CSMD2: variants seen among roughly 807,000 people sequenced by gnomAD.
CSMD2 encodes the protein CUB and Sushi multiple domains 2, also known as CUB and sushi domain-containing protein 2.
CSMD2 carries 130 observed loss-of-function variants against 398.5 expected under a neutral mutation model. The observed-to-expected ratio is 0.33, with a 90% CI of 0.28 to 0.38. The LOEUF (loss-of-function observed/expected upper bound fraction) is 0.38, where lower values mean the gene tolerates loss of function less well. Among genes scored for constraint, CSMD2 ranks in the 10% least tolerant of loss-of-function variants. The pLI is 1.00. For synonymous variants in CSMD2, 1,828 were observed against 1,908.5 expected (o/e 0.96, Z 1.10); for missense variants, 3,829 against 4,764.9 (o/e 0.80, Z 5.78).
Position 33,616,899 on chromosome 1 carries a change from G to C in CSMD2, c.6016+7C>G. On this transcript the variant is annotated splice_region_variant and intron_variant, in intron 39 of 70. Coordinates refer to ENST00000373381, the MANE Select transcript of CSMD2 (RefSeq NM_001281956.2). ...TGGAATGAATTGTAAAGTCTGGGCTGTCTTACCAATACAGAGTGGAGGAGG... is the reference window on the plus strand; with the variant it reads ...TGGAATGAATTGTAAAGTCTGGGCTCTCTTACCAATACAGAGTGGAGGAGG... The C allele has an allele frequency of 6.2e-7, 1 of 1,612,560 alleles. No homozygotes were observed. Among genetic ancestry groups the C allele is most frequent in the Non-Finnish European group, 8.5e-7 (1 of 1,178,558 alleles).
At chr1:33,879,219 G>C (rs533605603) in intron 5 of CSMD2, among the ~76,000 whole-genome samples, 2 of 152,074 alleles carry the variant, frequency 1.3e-5, no homozygotes, top group African/African-American at 4.8e-5. Context: ...TCCACTTGTC[G>C]AGTAGATTCT....
At chr1:33,653,788 G>A (rs568682941) in intron 27 of CSMD2, among the ~76,000 whole-genome samples, 5 of 152,276 alleles carry the variant, frequency 3.3e-5, no homozygotes, top group African/African-American at 1.2e-4. Flanking sequence ...GGTTTGGTCT[G>A]GAAACCACAG....
chr1:33,924,012 A>G (rs1644037959), intron 4 of CSMD2, among the ~76,000 whole-genome samples: 1 of 152,104 alleles, frequency 6.6e-6, no homozygotes, highest in Non-Finnish European at 1.5e-5. Context: ...ACATCCTCCA[A>G]TCCTGGACAC....
At chr1:33,951,072 G>C (rs892889926) in intron 3 of CSMD2, among the ~76,000 whole-genome samples, 1 of 152,138 alleles carries the variant, frequency 6.6e-6, no homozygotes, top group East Asian at 1.9e-4. Context: ...CTGACAATCT[G>C]ACCCACAGTC....
At chr1:33,804,377 G>A (rs1193049932) in intron 10 of CSMD2, among the ~76,000 whole-genome samples, 1 of 152,140 alleles carries the variant, frequency 6.6e-6, no homozygotes, top group African/African-American at 2.4e-5. Flanking sequence ...CCAAACCTCA[G>A]TGCCTTTGCA....
chr1:34,015,904 G>A (rs7551413), intron 3 of CSMD2, among the ~76,000 whole-genome samples: 1,536 of 152,238 alleles, frequency 0.01, 21 homozygotes, highest in African/African-American at 0.035. Flanking sequence ...GTGGGTGCAT[G>A]CACCTGGGAC....
intron 5 of CSMD2, among the ~76,000 whole-genome samples, chr1:33,865,516 T>C (rs905258529): frequency 6.6e-5 from 10 of 152,078 alleles, no homozygotes; most frequent in Admixed American, 1.3e-4. Context: ...TCTGACTCCC[T>C]TTCGTGACCA....
At chr1:33,916,617 G>C (rs1211309109) in intron 5 of CSMD2, among the ~76,000 whole-genome samples, 2 of 152,178 alleles carry the variant, frequency 1.3e-5, no homozygotes, top group Non-Finnish European at 2.9e-5. Context: ...CCAGCTTCCT[G>C]TGAGAAGCTC....
At chr1:33,791,550 C>T (rs973798627) in intron 11 of CSMD2, among the ~76,000 whole-genome samples, 1 of 152,088 alleles carries the variant, frequency 6.6e-6, no homozygotes, top group Non-Finnish European at 1.5e-5. Flanking sequence ...TAGTGGCATG[C>T]TCTCAGCTCA....
At chr1:34,165,573 C>G (rs1229358405), upstream of CSMD2, among the ~76,000 whole-genome samples, 1 of 151,530 alleles carries the variant, frequency 6.6e-6, no homozygotes, top group Non-Finnish European at 1.5e-5. Context: ...CATTAATACA[C>G]CCCCCTCTCC....
chr1:34,110,040 CAA>C (rs57314887), intron 1 of CSMD2, among the ~76,000 whole-genome samples: 4 of 63,410 alleles, frequency 6.3e-5, no homozygotes, highest in African/African-American at 2.6e-4. Flanking sequence ...GACTCTGTCT[CAA>C]AAAAAAAAAA....
chr1:33,519,473 G>A lies in CSMD2; in HGVS notation c.*45C>T. On this transcript the variant is annotated 3_prime_UTR_variant, in exon 70 of 71. Coordinates refer to ENST00000373381, the MANE Select transcript of CSMD2 (RefSeq NM_001281956.2). The surrounding 1 kb of genome is among the most constrained non-coding windows in gnomAD (Gnocchi z 5.6). ...CCCACACCCCTGCTCACCGGCTGCT[G>A]GAGGCGGGGCTCTCGGTGGCGGTGG... 6.3e-7 allele frequency: 1 copy of A among 1,594,594 alleles called. No homozygotes were observed. The highest frequency in any genetic ancestry group is 8.6e-7 in the Non-Finnish European group (1 of 1,168,568).
At chr1:34,081,754 C>T (rs976760621) in intron 2 of CSMD2, among the ~76,000 whole-genome samples, 2 of 152,214 alleles carry the variant, frequency 1.3e-5, no homozygotes, top group African/African-American at 2.4e-5. Context: ...TCGCTACAAC[C>T]TCCACCTCCC....
At chr1:33,974,526 G>A (rs750710833) in intron 3 of CSMD2, among the ~76,000 whole-genome samples, 1 of 152,162 alleles carries the variant, frequency 6.6e-6, no homozygotes, top group African/African-American at 2.4e-5. Context: ...GCACTCCAAC[G>A]ATCCCCATTT....
intron 2 of CSMD2, among the ~76,000 whole-genome samples, chr1:34,037,723 A>G (rs1651326475): frequency 6.6e-6 from 1 of 152,082 alleles, no homozygotes; most frequent in African/African-American, 2.4e-5. Flanking sequence ...CTCAAACCTC[A>G]CCAGGCCTTC....
At chr1:33,567,884 A>G in intron 52 of CSMD2, 43 bp from the exon 53 acceptor site, 6 of 1,538,644 alleles carry the variant, frequency 3.9e-6, no homozygotes, top group Non-Finnish European at 5.3e-6. Context: ...CTATCCCACA[A>G]CTCATTACTT....
At position 33,626,598 on chromosome 1, in the gene CSMD2, C is replaced by A. The variant is rs376763721; in HGVS notation, c.5201-17G>T. 7 of 1,572,740 alleles carry A rather than the reference C, an allele frequency of 4.5e-6. No homozygotes were observed. The African/African-American group carries it at 9.4e-5, about 21-fold the overall frequency. The stretch of plus-strand genomic sequence containing the variant: ...GTGATTCTCCTGCCGAGATAAGGGG[C>A]AAGGAGGAGAGAACAGTGAGTCCAG... On this transcript the variant is annotated splice_polypyrimidine_tract_variant and intron_variant, in intron 32 of 70. Transcript: ENST00000373381.
chr1:33,967,578 T>C (rs1645606869), intron 3 of CSMD2, among the ~76,000 whole-genome samples: 1 of 152,182 alleles, frequency 6.6e-6, no homozygotes. Flanking sequence ...ACGTCCATGA[T>C]GGTCACCCAA....
chr1:33,703,648 C>T (rs1645682944), intron 22 of CSMD2, among the ~76,000 whole-genome samples: 1 of 152,192 alleles, frequency 6.6e-6, no homozygotes, highest in Non-Finnish European at 1.5e-5. Flanking sequence ...AATATTCCTG[C>T]ATGTCCGCTT....
Sources: allele counts gnomAD v4.1 joint callset (sites outside exome capture counted in the v4.1 genomes callset), GRCh38; gene constraint gnomAD v4.1.1; non-coding constraint Gnocchi (gnomAD v3.1); transcripts MANE v1.5; gene names NCBI Gene and HGNC (gene_info 2026-07-23, HGNC 2026-07-21).